EYS: variants seen among roughly 807,000 people sequenced by gnomAD.
The protein encoded by EYS is protein eyes shut homolog.
EYS carries 250 observed loss-of-function variants against 282.1 expected under a neutral mutation model. The observed-to-expected ratio is 0.89, with a 90% CI of 0.80 to 0.98. EYS has a LOEUF of 0.98. Ranked by LOEUF, EYS falls within the 50% of genes least tolerant of loss-of-function variation. The pLI is 0.00. For synonymous variants in EYS, 1,355 were observed against 1,282.9 expected (o/e 1.06, Z -1.20); for missense variants, 4,016 against 3,709.0 (o/e 1.08, Z -2.15).
intron 30 of EYS, among the ~76,000 whole-genome samples, chr6:64,295,504 A>AAGAAGAAGAAG (rs1442538275): frequency 2.3e-5 from 1 of 44,388 alleles, no homozygotes; most frequent in African/African-American, 2.0e-4. Context: ...AAGAAAGAAG[A>AAGAAGAAGAAG]AAGAAGAAAG....
chr6:65,267,526 A>C (rs551628803), intron 12 of EYS, among the ~76,000 whole-genome samples: 1 of 152,182 alleles, frequency 6.6e-6, no homozygotes, highest in South Asian at 2.1e-4. Context: ...CTGATGAATC[A>C]TAATTTATCG....
intron 32 of EYS, among the ~76,000 whole-genome samples, chr6:64,077,918 G>T (rs1160966765): frequency 6.6e-6 from 1 of 151,970 alleles, no homozygotes; most frequent in Non-Finnish European, 1.5e-5. Context: ...TTTTCATCTT[G>T]ACTGCTGCTC....
At position 65,296,030 on chromosome 6, in the gene EYS, A is replaced by T. The variant is rs1173843944; in HGVS notation, c.1856T>A (p.Leu619His). 2.6e-6 allele frequency: 4 copies of T among 1,551,178 alleles called. No homozygotes were observed. The highest frequency in any genetic ancestry group is 3.5e-6 in the Non-Finnish European group (4 of 1,146,518). The stretch of plus-strand genomic sequence containing the variant: ...ACAATTGTGCGAAAGGGCCAGGCAG[A>T]GGCCATGCACTGATATACTGTGGTT... Reference protein sequence around the residue: ...LGNHSISVHGLCLALSHNCNC... With the variant: ...LGNHSISVHGHCLALSHNCNC... The change falls in exon 12 of 43, where the codon CTC becomes CAC. Residue 619 changes from leucine to histidine, a missense_variant. Physicochemically the swap from Leu to His is moderately conservative, Grantham distance 99 (BLOSUM62 -3). Transcript: ENST00000503581.
At chr6:65,345,910 A>AGATGCTCTGGGTTT (rs1248440539) in intron 9 of EYS, among the ~76,000 whole-genome samples, 4 of 151,874 alleles carry the variant, frequency 2.6e-5, no homozygotes, top group Non-Finnish European at 5.9e-5. Flanking sequence ...AGAAATACTG[A>AGATGCTCTGGGTTT]GATGCTCTGG....
intron 31 of EYS, among the ~76,000 whole-genome samples, chr6:64,222,979 C>T (rs1295353136): frequency 2.0e-5 from 3 of 151,948 alleles, no homozygotes; most frequent in African/African-American, 7.2e-5. Context: ...CTTATATACT[C>T]ATGTTCATGA....
At chr6:64,107,953 G>T (rs564175056) in intron 31 of EYS, among the ~76,000 whole-genome samples, 1 of 152,044 alleles carries the variant, frequency 6.6e-6, no homozygotes, top group Non-Finnish European at 1.5e-5. Flanking sequence ...CAGGAGCTGT[G>T]TATTTCCCTT....
At chr6:65,425,927 C>T (rs1767643148) in intron 5 of EYS, among the ~76,000 whole-genome samples, 3 of 151,960 alleles carry the variant, frequency 2.0e-5, no homozygotes, top group Non-Finnish European at 1.5e-5. Context: ...TGCATGTAAC[C>T]AAACTGAAGA....
intron 26 of EYS, among the ~76,000 whole-genome samples, chr6:64,443,556 C>G (rs1328369758): frequency 6.6e-6 from 1 of 152,076 alleles, no homozygotes; most frequent in Non-Finnish European, 1.5e-5. Flanking sequence ...ATCTTGTAGC[C>G]CATAATTCTC....
intron 35 of EYS, among the ~76,000 whole-genome samples, chr6:63,927,317 T>A (rs1764745999): frequency 1.3e-5 from 2 of 152,254 alleles, no homozygotes; most frequent in Admixed American, 6.5e-5. Context: ...GTTGGCTGAC[T>A]TTGGGCCAGT....
rs562835057 is a variant in EYS at position 64,178,480 on chromosome 6, A to T, written c.6424+52112T>A. 2.0e-4 allele frequency among the ~76,000 whole-genome samples: 31 copies of T among 152,218 alleles called. No homozygotes were observed. The South Asian group carries it at 6.2e-3, about 30-fold the overall frequency. ...GATCAATCATTACATAGCAAATCAC[A>T]TCAATGAGTTTACATATATCATGGC... On this transcript the variant is annotated intron_variant, in intron 31 of 42. Transcript: ENST00000503581.
intron 35 of EYS, among the ~76,000 whole-genome samples, chr6:63,908,267 A>C (rs1295846882): frequency 2.6e-5 from 4 of 151,972 alleles, no homozygotes; most frequent in South Asian, 2.1e-4. Context: ...ACGAGATACC[A>C]TCTTATACAG....
chr6:64,088,076 A>T (rs1772220050), intron 31 of EYS, among the ~76,000 whole-genome samples: 1 of 152,048 alleles, frequency 6.6e-6, no homozygotes, highest in Non-Finnish European at 1.5e-5. Context: ...AGCAATAAAC[A>T]TTTGCTATTG....
intron 22 of EYS, among the ~76,000 whole-genome samples, chr6:64,706,774 C>T (rs1184182273): frequency 6.6e-6 from 1 of 152,020 alleles, no homozygotes; most frequent in Non-Finnish European, 1.5e-5. Flanking sequence ...TACCATCTTA[C>T]TCCTGCAAGA....
chr6:65,662,025 G>C (rs1270924214), intron 1 of EYS, among the ~76,000 whole-genome samples: 1 of 152,026 alleles, frequency 6.6e-6, no homozygotes, highest in Non-Finnish European at 1.5e-5. Flanking sequence ...CAGTAGGGAA[G>C]AAACTGGATG....
At chr6:65,522,740 TCTTCC>T (rs1767418456) in intron 2 of EYS, among the ~76,000 whole-genome samples, 3 of 152,324 alleles carry the variant, frequency 2.0e-5, no homozygotes, top group Non-Finnish European at 4.4e-5. Context: ...TTTAATTTGA[TCTTCC>T]CTTATATTCT....
At chr6:64,530,083 C>T (rs569410617) in intron 26 of EYS, among the ~76,000 whole-genome samples, 59 of 152,086 alleles carry the variant, frequency 3.9e-4, no homozygotes, top group African/African-American at 1.4e-3. Context: ...GAACTAAATT[C>T]TAGTATTTAT....
intron 29 of EYS, among the ~76,000 whole-genome samples, chr6:64,385,915 C>G (rs927284746): frequency 6.6e-6 from 1 of 152,142 alleles, no homozygotes; most frequent in Non-Finnish European, 1.5e-5. Context: ...CGGCCAGCCT[C>G]TCTATTCCTT....
chr6:65,125,215 C>T (rs1011505813), intron 12 of EYS, among the ~76,000 whole-genome samples: 3 of 152,126 alleles, frequency 2.0e-5, no homozygotes, highest in Non-Finnish European at 4.4e-5. Flanking sequence ...TCCTTTTTCC[C>T]TTCATTTATT....
In EYS at chr6:64,843,895, C is replaced by T. The variant is rs964617512; in HGVS notation, c.2993-21073G>A. ...CTTGAATTGAATTCCCATAATTCCACGTGTTGTGGGAGGGACCCGGTGGGA... is the reference window on the plus strand; with the variant it reads ...CTTGAATTGAATTCCCATAATTCCATGTGTTGTGGGAGGGACCCGGTGGGA... On this transcript the variant is annotated intron_variant, in intron 19 of 42. Coordinates refer to ENST00000503581, the MANE Select transcript of EYS (RefSeq NM_001142800.2). Among the ~76,000 whole-genome samples the T allele has an allele frequency of 5.3e-5, 8 of 152,054 alleles. No individual in the cohort carries two copies. The East Asian group carries it at 5.8e-4, about 11-fold the overall frequency.
Sources: allele counts gnomAD v4.1 joint callset (sites outside exome capture counted in the v4.1 genomes callset), GRCh38; gene constraint gnomAD v4.1.1; transcripts MANE v1.5; gene names NCBI Gene and HGNC (gene_info 2026-07-23, HGNC 2026-07-21).